The following EIF3B variants were observed in gnomAD, a reference collection of about 807,000 sequenced individuals.
EIF3B encodes the protein eukaryotic translation initiation factor 3 subunit 9.
Under a neutral mutation model 104.6 loss-of-function variants are expected in EIF3B, and 10 were observed. That is an observed-to-expected ratio of 0.10 (90% CI 0.06 to 0.16). The LOEUF (loss-of-function observed/expected upper bound fraction) is 0.16. Among genes scored for constraint, EIF3B ranks in the 10% least tolerant of loss-of-function variants. The pLI, the probability that EIF3B is intolerant of heterozygous loss-of-function variation, is 1.00. For missense variants in EIF3B, 1,014 were observed against 1,087.9 expected, an observed-to-expected ratio of 0.93 and a Z score of 0.96; for synonymous variants, 542 against 417.2, an observed-to-expected ratio of 1.30 and a Z score of -3.65.
chr7:2,365,877 T>C (rs1486810569), intron 6 of EIF3B, among the ~76,000 whole-genome samples: 2 of 152,104 alleles, frequency 1.3e-5, no homozygotes, highest in African/African-American at 4.8e-5. Context: ...GGTCTCACCA[T>C]GTCGGCCATG....
chr7:2,379,802 G>A, intron 18 of EIF3B: 1 of 410,820 alleles, frequency 2.4e-6, no homozygotes, highest in Non-Finnish European at 4.5e-6. Flanking sequence ...GCCATGCCTG[G>A]CCATTTCCTG....
Position 2,363,066 on chromosome 7 carries a change from C to T in EIF3B, c.813-4C>T. The T allele has an allele frequency of 1.2e-6, 2 of 1,614,030 alleles. No individual in the cohort carries two copies. Among genetic ancestry groups the T allele is most frequent in the African/African-American group, 2.7e-5 (2 of 75,038 alleles). On this transcript the variant is annotated splice_region_variant and splice_polypyrimidine_tract_variant and intron_variant, in intron 3 of 18. Transcript: ENST00000360876. ...GGGGCTCAGCAGTCTCCTTTCTTCT[C>T]CAGGTATATGACGATCAGTGACGAG...
chr7:2,368,300 C>T (rs868702641), intron 9 of EIF3B, among the ~76,000 whole-genome samples: 1 of 152,034 alleles, frequency 6.6e-6, no homozygotes, highest in Non-Finnish European at 1.5e-5. Context: ...GCAACCACTA[C>T]GCCCAGCTAA....
At chr7:2,366,909 G>C in intron 8 of EIF3B, 90 bp from the exon 9 acceptor site, 1 of 1,393,684 alleles carries the variant, frequency 7.2e-7, no homozygotes, top group Non-Finnish European at 1.0e-6. Context: ...ACTCACATCA[G>C]ACTCTTGTTT....
chr7:2,366,879 G>T, intron 8 of EIF3B, 120 bp from the exon 9 acceptor site: 1 of 1,080,656 alleles, frequency 9.3e-7, no homozygotes, highest in Non-Finnish European at 1.4e-6. Context: ...CACGCTCTGT[G>T]TGCACTGCCC....
intron 1 of EIF3B, among the ~76,000 whole-genome samples, chr7:2,358,135 C>T: frequency 6.6e-6 from 1 of 151,772 alleles, no homozygotes; most frequent in East Asian, 1.9e-4. Flanking sequence ...CATTCTCTTG[C>T]TCAGACTGGA....
chr7:2,367,432 A>G (rs1464532328), intron 9 of EIF3B, among the ~76,000 whole-genome samples: 1 of 149,668 alleles, frequency 6.7e-6, no homozygotes, highest in Non-Finnish European at 1.5e-5. Context: ...GGTCCATTGC[A>G]GTTGGTTTCC....
chr7:2,369,808 C>G, intron 10 of EIF3B, 126 bp downstream of exon 10: 1 of 751,810 alleles, frequency 1.3e-6, no homozygotes, highest in Non-Finnish European at 2.0e-6. Context: ...GATGGAGTCT[C>G]ACTCTGTCAC....
intron 1 of EIF3B, among the ~76,000 whole-genome samples, chr7:2,357,165 C>T (rs902450256): frequency 3.9e-5 from 6 of 152,210 alleles, no homozygotes; most frequent in African/African-American, 1.4e-4. Flanking sequence ...CCATCGAATT[C>T]ACAGATTTCT....
chr7:2,370,619 C>T (rs988117812), intron 10 of EIF3B, among the ~76,000 whole-genome samples: 6 of 152,054 alleles, frequency 3.9e-5, no homozygotes, highest in African/African-American at 7.2e-5. Flanking sequence ...AGTGGTTTTT[C>T]GTGTGTTCAG....
chr7:2,372,423 C>T (rs1655038180), intron 11 of EIF3B, among the ~76,000 whole-genome samples: 1 of 152,204 alleles, frequency 6.6e-6, no homozygotes. Flanking sequence ...TCCTGCGGTC[C>T]TGCTGTGGGT....
chr7:2,374,384 T>C, intron 12 of EIF3B, 144 bp from the exon 13 acceptor site: 2 of 673,146 alleles, frequency 3.0e-6, no homozygotes, highest in East Asian at 2.5e-5. Context: ...GCGATGGACT[T>C]TGTAAAATTG....
At chr7:2,365,152 T>C (rs2115301805) in intron 6 of EIF3B, among the ~76,000 whole-genome samples, 1 of 152,378 alleles carries the variant, frequency 6.6e-6, no homozygotes, top group African/African-American at 2.4e-5. Context: ...GGTCTCACTT[T>C]GTTGTACAAG....
chr7:2,362,724 C>A lies in EIF3B; in HGVS notation c.772C>A (p.Gln258Lys). 6.2e-7 allele frequency: 1 copy of A among 1,614,248 alleles called. No homozygotes were observed. The highest frequency in any genetic ancestry group is 8.5e-7 in the Non-Finnish European group (1 of 1,180,052). The part of the protein sequence containing the change: ...KNADGYKLDK[Q>K]HTFRVNLFTD... ...CGCCGACGGCTACAAGCTTGACAAG[C>A]AGCACACATTCCGGGTCAACCTCTT... The change falls in exon 3 of 19, where the codon CAG (glutamine) becomes AAG (lysine). Residue 258 changes from glutamine to lysine, a missense_variant. Gln to Lys is a moderately conservative substitution (Grantham distance 53). Transcript: ENST00000360876.
At chr7:2,364,308 T>C (rs1273140244) in intron 5 of EIF3B, 64 bp from the exon 6 acceptor site, 7 of 1,394,172 alleles carry the variant, frequency 5.0e-6, no homozygotes, top group Middle Eastern at 1.8e-4. Context: ...ATAAATTCAT[T>C]GTAGGAGGGG....
intron 14 of EIF3B, chr7:2,376,703 G>C: frequency 2.3e-6 from 1 of 444,194 alleles, no homozygotes; most frequent in Non-Finnish European, 4.0e-6. Context: ...TTGCCAGCCA[G>C]AATGTGCAGG....
intron 6 of EIF3B, among the ~76,000 whole-genome samples, chr7:2,365,671 GTTTGTTTTGTTT>G (rs1779975522): frequency 1.8e-5 from 2 of 108,950 alleles, no homozygotes; most frequent in African/African-American, 9.1e-5. Context: ...TTGTTTGTTT[GTTTGTTTTGTTT>G]TTTTTTTTTT....
In EIF3B at chr7:2,374,601, G is replaced by T. The variant is rs114731734; in HGVS notation, c.1884G>T (p.Leu628=). ...PQGQFVVLAG[L]RSMNGALAFV... The stretch of plus-strand genomic sequence containing the variant: ...GACAGTTCGTGGTGTTGGCGGGCCT[G>T]AGGAGGTAGGTGTCTGCGCTCTGAG... The change falls in exon 13 of 19, where the codon CTG becomes CTT. Residue 628 remains leucine (L), a synonymous_variant. Coordinates refer to ENST00000360876, the MANE Select transcript of EIF3B (RefSeq NM_001037283.2). 1 of 1,613,886 alleles carries T rather than the reference G, an allele frequency of 6.2e-7. No homozygotes were observed. Among genetic ancestry groups the T allele is most frequent in the Non-Finnish European group, 8.5e-7 (1 of 1,179,886 alleles).
In EIF3B at chr7:2,380,188, A is replaced by G. The variant is rs918229228; in HGVS notation, c.*15-16A>G. 4 of 357,366 alleles carry G rather than the reference A, an allele frequency of 1.1e-5. No individual in the cohort carries two copies. Among genetic ancestry groups the G allele is most frequent in the Admixed American group, 6.9e-5 (2 of 28,782 alleles). The allele number at this position is 357,366 out of a possible 1,614,324, so 22.1% of individuals were successfully genotyped here. A position where few individuals can be genotyped will look rare whatever the true frequency, so the allele number is the denominator to read the frequency against. On this transcript the variant is annotated splice_polypyrimidine_tract_variant and intron_variant, in intron 18 of 18. Transcript: ENST00000360876. Reference sequence around the variant, plus strand: ...TGAGGTGGTGCCGTTTAGGGCCGCCATGCCTGTCTATCCAGGGGACGGACT... The same window carrying G: ...TGAGGTGGTGCCGTTTAGGGCCGCCGTGCCTGTCTATCCAGGGGACGGACT...
Sources: gnomAD v4.1 joint callset for allele counts (sites outside exome capture counted in the v4.1 genomes callset) on GRCh38, gnomAD v4.1.1 for gene constraint, MANE v1.5 for transcripts, NCBI Gene and HGNC (gene_info 2026-07-23, HGNC 2026-07-21) for gene names.